The following NLGN1 variants were observed in gnomAD, a reference collection of about 807,000 sequenced individuals.
NLGN1 encodes the protein neuroligin-1.
A neutral mutation model predicts 65.5 loss-of-function variants in NLGN1; 12 were observed. That is an observed-to-expected ratio of 0.18 (90% CI 0.12 to 0.30). The LOEUF is 0.30. Among genes scored for constraint, NLGN1 ranks in the 10% least tolerant of loss-of-function variants. The pLI is 1.00. For synonymous variants in NLGN1, 350 were observed against 359.5 expected (o/e 0.97, Z 0.30); for missense variants, 750 against 1,007.1 (o/e 0.74, Z 3.46).
intron 4 of NLGN1, among the ~76,000 whole-genome samples, chr3:173,978,860 TA>T (rs1057316042): frequency 2.2e-5 from 3 of 138,280 alleles, no homozygotes; most frequent in African/African-American, 8.5e-5. Context: ...AAAAAAAAAT[TA>T]GCCACTTGTG....
intron 3 of NLGN1, among the ~76,000 whole-genome samples, chr3:173,731,684 G>A (rs1396246694): frequency 2.0e-5 from 3 of 151,778 alleles, no homozygotes; most frequent in Non-Finnish European, 4.4e-5. Flanking sequence ...TTTCATTATT[G>A]CATAAGGAAA....
At chr3:173,933,675 A>G (rs901947134) in intron 4 of NLGN1, among the ~76,000 whole-genome samples, 1 of 152,146 alleles carries the variant, frequency 6.6e-6, no homozygotes, top group Non-Finnish European at 1.5e-5. Flanking sequence ...ATATGATGAA[A>G]TGATAATGAC....
intron 3 of NLGN1, among the ~76,000 whole-genome samples, chr3:173,785,572 T>G (rs1371397125): frequency 6.6e-6 from 1 of 152,090 alleles, no homozygotes; most frequent in African/African-American, 2.4e-5. Flanking sequence ...TAAACCAACA[T>G]GGTACAAAAT....
intron 3 of NLGN1, among the ~76,000 whole-genome samples, chr3:173,720,944 A>G (rs918085190): frequency 3.3e-5 from 5 of 152,212 alleles, no homozygotes; most frequent in African/African-American, 7.2e-5. Flanking sequence ...GAGGAAGACT[A>G]CCGTGGTCTT....
Position 174,002,792 on chromosome 3 carries a change from C to G in NLGN1, c.646+194960C>G, listed in dbSNP as rs540377521. 3.3e-5 allele frequency among the ~76,000 whole-genome samples: 5 copies of G among 152,294 alleles called. No homozygotes were observed. The East Asian group carries it at 9.7e-4, about 29-fold the overall frequency. ...AAAGTGGAGGTAGTAGTAAAACAGACTGGTGCTGCTCCAATTTCTCTTATT... is the reference window on the plus strand; with the variant it reads ...AAAGTGGAGGTAGTAGTAAAACAGAGTGGTGCTGCTCCAATTTCTCTTATT... On this transcript the variant is annotated intron_variant, in intron 4 of 6. Transcript: ENST00000457714.
intron 3 of NLGN1, among the ~76,000 whole-genome samples, chr3:173,636,812 A>T (rs1366049217): frequency 6.6e-6 from 1 of 152,144 alleles, no homozygotes; most frequent in Non-Finnish European, 1.5e-5. Flanking sequence ...ATTAACACCT[A>T]TACTGTAAAA....
At chr3:174,024,246 G>A (rs747789867) in intron 4 of NLGN1, among the ~76,000 whole-genome samples, 20 of 151,830 alleles carry the variant, frequency 1.3e-4, no homozygotes, top group Non-Finnish European at 1.9e-4. Flanking sequence ...GGAGAACAAA[G>A]GGATTTCATG....
chr3:173,442,645 C>CT (rs1719419133), intron 2 of NLGN1, among the ~76,000 whole-genome samples: 1 of 152,010 alleles, frequency 6.6e-6, no homozygotes, highest in South Asian at 2.1e-4. Flanking sequence ...AGAAACAACT[C>CT]TAAAATTATT....
intron 3 of NLGN1, among the ~76,000 whole-genome samples, chr3:173,806,449 A>G (rs1485171255): frequency 6.6e-6 from 1 of 152,178 alleles, no homozygotes; most frequent in East Asian, 1.9e-4. Flanking sequence ...AAAGCAAAGG[A>G]ACAAAAACAT....
At chr3:173,443,674 A>G (rs1349478381) in intron 2 of NLGN1, among the ~76,000 whole-genome samples, 1 of 152,318 alleles carries the variant, frequency 6.6e-6, no homozygotes, top group East Asian at 1.9e-4. Flanking sequence ...TGCTTTAGGA[A>G]GAAAAACGTG....
intron 2 of NLGN1, among the ~76,000 whole-genome samples, chr3:173,581,606 C>T (rs1046330496): frequency 2.3e-4 from 35 of 151,836 alleles, no homozygotes; most frequent in African/African-American, 6.5e-4. Flanking sequence ...TTTTTGCTTC[C>T]TAGCTAGAAT....
At chr3:173,509,579 G>A (rs918103248) in intron 2 of NLGN1, among the ~76,000 whole-genome samples, 5 of 152,028 alleles carry the variant, frequency 3.3e-5, no homozygotes, top group Non-Finnish European at 5.9e-5. Context: ...GAAACTAAAC[G>A]CTGCACTCTA....
At chr3:174,203,771 C>A (rs1195179678) in intron 4 of NLGN1, among the ~76,000 whole-genome samples, 2 of 152,096 alleles carry the variant, frequency 1.3e-5, no homozygotes, top group East Asian at 3.9e-4. Flanking sequence ...AGGTATATTT[C>A]TTCAGAATTT....
chr3:173,460,897 C>G (rs966892007), intron 2 of NLGN1, among the ~76,000 whole-genome samples: 1 of 152,108 alleles, frequency 6.6e-6, no homozygotes, highest in Non-Finnish European at 1.5e-5. Context: ...AGGGAATGCT[C>G]TCTCGCCAGC....
chr3:173,603,033 A>T (rs986361482), intron 2 of NLGN1, among the ~76,000 whole-genome samples: 2 of 152,138 alleles, frequency 1.3e-5, no homozygotes, highest in African/African-American at 4.8e-5. Flanking sequence ...CTAAAGACAC[A>T]CTAGGCCAGA....
intron 4 of NLGN1, among the ~76,000 whole-genome samples, chr3:173,991,307 C>T (rs1161468169): frequency 1.3e-5 from 2 of 152,044 alleles, no homozygotes; most frequent in African/African-American, 4.8e-5. Context: ...TCAATAAAAA[C>T]ATATTATCTA....
intron 4 of NLGN1, among the ~76,000 whole-genome samples, chr3:173,963,879 G>A (rs750259870): frequency 6.6e-6 from 1 of 152,132 alleles, no homozygotes; most frequent in Non-Finnish European, 1.5e-5. Flanking sequence ...TGGTAGGTGG[G>A]TAGGTGAGGA....
At chr3:174,069,669 G>A (rs1257500005) in intron 4 of NLGN1, among the ~76,000 whole-genome samples, 4 of 152,196 alleles carry the variant, frequency 2.6e-5, no homozygotes, top group African/African-American at 9.7e-5. Flanking sequence ...AGTATAAGGG[G>A]TTCATTGATT....
chr3:174,011,694 A>G (rs1408150038), intron 4 of NLGN1, among the ~76,000 whole-genome samples: 1 of 152,028 alleles, frequency 6.6e-6, no homozygotes, highest in Non-Finnish European at 1.5e-5. Context: ...TTATTTATTC[A>G]TCTGTAAAAT....
Sources: gnomAD v4.1 joint callset for allele counts (sites outside exome capture counted in the v4.1 genomes callset) on GRCh38, gnomAD v4.1.1 for gene constraint, MANE v1.5 for transcripts, NCBI Gene and HGNC (gene_info 2026-07-23, HGNC 2026-07-21) for gene names.